ZSCAN2: variants seen among roughly 807,000 people sequenced by gnomAD.
The protein encoded by ZSCAN2 is zinc finger and SCAN domain-containing protein 2.
ZSCAN2 carries 26 observed loss-of-function variants against 47.8 expected under a neutral mutation model. The ratio of observed to expected loss-of-function variants is 0.54; its 90% CI spans 0.40 to 0.75. The LOEUF (loss-of-function observed/expected upper bound fraction) is 0.75. Among genes scored for constraint, ZSCAN2 ranks in the 30% least tolerant of loss-of-function variants. ZSCAN2 has a pLI of 0.00. For synonymous variants in ZSCAN2, 305 were observed against 288.7 expected (o/e 1.06, Z -0.57); for missense variants, 732 against 785.4 (o/e 0.93, Z 0.81).
intron 1 of ZSCAN2, among the ~76,000 whole-genome samples, chr15:84,602,874 C>T (rs751726763): frequency 2.1e-4 from 32 of 152,040 alleles, no homozygotes; most frequent in African/African-American, 5.8e-4. Flanking sequence ...CAGGCAACCA[C>T]GCCAAGCCTA....
At chr15:84,614,146 A>G (rs1895631771) in intron 2 of ZSCAN2, among the ~76,000 whole-genome samples, 1 of 148,348 alleles carries the variant, frequency 6.7e-6, no homozygotes, top group Non-Finnish European at 1.5e-5. Flanking sequence ...AAGTGCCAAC[A>G]CACCCGGCTA....
chr15:84,616,667 CA>C, intron 2 of ZSCAN2: 1 of 1,105,576 alleles, frequency 9.0e-7, no homozygotes, highest in Non-Finnish European at 1.1e-6. Context: ...TTTAAAACAG[CA>C]AAAACAGCCT....
At chr15:84,611,221 C>G (rs958709245) in intron 2 of ZSCAN2, among the ~76,000 whole-genome samples, 1 of 151,992 alleles carries the variant, frequency 6.6e-6, no homozygotes, top group African/African-American at 2.4e-5. Context: ...TGCTTGAACC[C>G]AGGAGACAGA....
At chr15:84,602,752 C>G (rs184641764) in intron 1 of ZSCAN2, among the ~76,000 whole-genome samples, 65 of 152,074 alleles carry the variant, frequency 4.3e-4, no homozygotes, top group African/African-American at 1.5e-3. Flanking sequence ...CCATGCCTGG[C>G]TAATTTTTGT....
At chr15:84,609,297 T>C (rs111755629) in intron 2 of ZSCAN2, among the ~76,000 whole-genome samples, 1 of 149,454 alleles carries the variant, frequency 6.7e-6, no homozygotes, top group Non-Finnish European at 1.5e-5. Context: ...ATATATGATA[T>C]ATGAGATATA....
At chr15:84,620,498 G>A (rs1030988667) in intron 2 of ZSCAN2, 104 bp from the exon 3 acceptor site, 24 of 999,210 alleles carry the variant, frequency 2.4e-5, no homozygotes, top group Non-Finnish European at 3.0e-5. Flanking sequence ...TAGCCTCTTT[G>A]TGTTCACTGG....
Position 84,622,153 on chromosome 15 carries a change from C to A in ZSCAN2, c.*113C>A. ...TCCTAAACATTCTGGGGGGTTTTGCCAGAGTCTTCCCCTTGCTCATCCTCA... is the reference window on the plus strand; with the variant it reads ...TCCTAAACATTCTGGGGGGTTTTGCAAGAGTCTTCCCCTTGCTCATCCTCA... On this transcript the variant is annotated 3_prime_UTR_variant, in exon 3 of 3. Transcript: ENST00000546148. 1 of 977,340 alleles carries A rather than the reference C, an allele frequency of 1.0e-6. No homozygotes were observed. The highest frequency in any genetic ancestry group is 1.5e-6 in the Non-Finnish European group (1 of 647,004). The allele number at this position is 977,340 out of a possible 1,614,324, so 60.5% of individuals were successfully genotyped here. A position where few individuals can be genotyped will look rare whatever the true frequency, so the allele number is the denominator to read the frequency against.
intron 2 of ZSCAN2, among the ~76,000 whole-genome samples, chr15:84,618,468 ATT>A (rs1377631536): frequency 6.6e-6 from 1 of 152,004 alleles, no homozygotes; most frequent in Non-Finnish European, 1.5e-5. Flanking sequence ...CAAGAGGGAA[ATT>A]TCCTCCTCAG....
intron 2 of ZSCAN2, chr15:84,606,849 G>A: frequency 8.2e-7 from 1 of 1,212,474 alleles, no homozygotes; most frequent in Non-Finnish European, 1.0e-6. Context: ...TGTCTTTGTT[G>A]GTCTTTGTTT....
rs1451500332 is a variant in ZSCAN2, at chr15:84,622,714, G to A, written c.*674G>A. 5.6e-6 allele frequency: 4 copies of A among 716,914 alleles called. No individual in the cohort carries two copies. The highest frequency in any genetic ancestry group is 1.0e-5 in the Non-Finnish European group (4 of 384,942). 44.4% of individuals were successfully genotyped at this position (716,914 alleles called of 1,614,324 possible). ...CCAGTGTCCCAGTGTCCTTTCCATTGGTAAGAGTTGGACAGGGCCTTCAGG... is the reference window on the plus strand; with the variant it reads ...CCAGTGTCCCAGTGTCCTTTCCATTAGTAAGAGTTGGACAGGGCCTTCAGG... On this transcript the variant is annotated 3_prime_UTR_variant, in exon 3 of 3. Transcript: ENST00000546148.
At position 84,622,391 on chromosome 15, in the gene ZSCAN2, CACA is replaced by C. The variant is rs1895836261; in HGVS notation, c.*354_*356del. 1 of 582,800 alleles carries C rather than the reference CACA, an allele frequency of 1.7e-6. No homozygotes were observed. The highest frequency in any genetic ancestry group is 3.4e-5 in the Admixed American group (1 of 29,298). The allele number at this position is 582,800 out of a possible 1,614,324, so 36.1% of individuals were successfully genotyped here. A position where few individuals can be genotyped will look rare whatever the true frequency, so the allele number is the denominator to read the frequency against. On this transcript the variant is annotated 3_prime_UTR_variant, in exon 3 of 3. Transcript: ENST00000546148. ...ATGTGGAATGGAAGACAGCATGGCC[CACA>C]ACGTGGGCCGAGTCCTCAGAGAAAT...
In ZSCAN2 at chr15:84,623,696, ATAAAG is replaced by A. The variant is rs1404879233; in HGVS notation, c.*1659_*1663del. On this transcript the variant is annotated 3_prime_UTR_variant, in exon 3 of 3. Coordinates refer to ENST00000546148, the MANE Select transcript of ZSCAN2 (RefSeq NM_181877.4). ...TAGGATGGATGCTCAGTATTCCTTA[ATAAAG>A]TAGAGTTCCATTCTTTTCCTGAGTC... 1 of 167,042 alleles carries A rather than the reference ATAAAG, an allele frequency of 6.0e-6. No homozygotes were observed. The highest frequency in any genetic ancestry group is 1.5e-5 in the Non-Finnish European group (1 of 68,128). The allele number at this position is 167,042 out of a possible 1,614,324, so 10.3% of individuals were successfully genotyped here. A position where few individuals can be genotyped will look rare whatever the true frequency, so the allele number is the denominator to read the frequency against.
Position 84,603,979 on chromosome 15 carries a change from C to G in ZSCAN2, c.52C>G (p.Gln18Glu), listed in dbSNP as rs544746857. 1 of 1,613,946 alleles carries G rather than the reference C, an allele frequency of 6.2e-7. No homozygotes were observed. Among genetic ancestry groups the G allele is most frequent in the African/African-American group, 1.3e-5 (1 of 75,012 alleles). Reference protein sequence around the residue: ...RVTTPLSSLVQVPQEEDRQEE... With the variant: ...RVTTPLSSLVEVPQEEDRQEE... ...GACCACTCCGCTGAGCTCCTTGGTC[C>G]AGGTGCCTCAAGAGGAAGATAGACA... The change falls in exon 2 of 3, where the codon CAG (glutamine) becomes GAG (glutamate). Residue 18 changes from glutamine (Q) to glutamate (E), a missense_variant. Transcript: ENST00000546148.
intron 2 of ZSCAN2, among the ~76,000 whole-genome samples, chr15:84,618,116 T>G (rs1209825390): frequency 6.6e-6 from 1 of 152,080 alleles, no homozygotes; most frequent in African/African-American, 2.4e-5. Flanking sequence ...TTAGCTTTAA[T>G]AATAGAAATG....
At chr15:84,613,779 T>G (rs1310005500) in intron 2 of ZSCAN2, among the ~76,000 whole-genome samples, 3 of 150,654 alleles carry the variant, frequency 2.0e-5, no homozygotes, top group Non-Finnish European at 4.4e-5. Flanking sequence ...GGTTCAACGA[T>G]TCAACGATTC....
intron 2 of ZSCAN2, among the ~76,000 whole-genome samples, chr15:84,617,291 C>T (rs967866912): frequency 1.3e-5 from 2 of 151,972 alleles, no homozygotes; most frequent in African/African-American, 4.8e-5. Flanking sequence ...CAAAAATTAG[C>T]CAGGCGTGTT....
Position 84,622,929 on chromosome 15 carries a change from C to T in ZSCAN2, c.*889C>T. 1 of 511,818 alleles carries T rather than the reference C, an allele frequency of 2.0e-6. No individual in the cohort carries two copies. Among genetic ancestry groups the T allele is most frequent in the African/African-American group, 2.0e-5 (1 of 50,806 alleles). The allele number at this position is 511,818 out of a possible 1,614,324, so 31.7% of individuals were successfully genotyped here. A position where few individuals can be genotyped will look rare whatever the true frequency, so the allele number is the denominator to read the frequency against. ...CTGTCTCATCAAGAGTAAAACAGTCCTGCACACAGCAGGGTGGGTTTGTGC... is the reference window on the plus strand; with the variant it reads ...CTGTCTCATCAAGAGTAAAACAGTCTTGCACACAGCAGGGTGGGTTTGTGC... On this transcript the variant is annotated 3_prime_UTR_variant, in exon 3 of 3. Transcript: ENST00000546148.
chr15:84,622,832 G>T lies in ZSCAN2; in HGVS notation c.*792G>T. 1 of 628,770 alleles carries T rather than the reference G, an allele frequency of 1.6e-6. No homozygotes were observed. Among genetic ancestry groups the T allele is most frequent in the Non-Finnish European group, 2.9e-6 (1 of 344,808 alleles). The allele number at this position is 628,770 out of a possible 1,614,324, so 38.9% of individuals were successfully genotyped here. ...CTACCAGGGGAACACATTTGTTCTC[G>T]TGGGGTTTTGTCCTGGAGAGTGTAG... On this transcript the variant is annotated 3_prime_UTR_variant, in exon 3 of 3. Coordinates refer to ENST00000546148, the MANE Select transcript of ZSCAN2 (RefSeq NM_181877.4).
chr15:84,615,673 C>T (rs1895674999), intron 2 of ZSCAN2, among the ~76,000 whole-genome samples: 1 of 152,094 alleles, frequency 6.6e-6, no homozygotes, highest in Admixed American at 6.6e-5. Flanking sequence ...CCTTTGTTTC[C>T]ATTTCCTGTC....
Sources: gnomAD v4.1 joint callset for allele counts (sites outside exome capture counted in the v4.1 genomes callset) on GRCh38, gnomAD v4.1.1 for gene constraint, MANE v1.5 for transcripts, NCBI Gene and HGNC (gene_info 2026-07-23, HGNC 2026-07-21) for gene names.